Variants in NMNAT2 observed in about 807,000 individuals in gnomAD.
NMNAT2 encodes nicotinamide nucleotide adenylyltransferase 2.
NMNAT2 carries 11 observed loss-of-function variants against 41.6 expected under a neutral mutation model. That is an observed-to-expected ratio of 0.26 (90% CI 0.17 to 0.44). NMNAT2 has a LOEUF of 0.44. NMNAT2 is among the 20% of genes least tolerant of loss of function. The pLI is 1.00. For synonymous variants in NMNAT2, 148 were observed against 151.2 expected (o/e 0.98, Z 0.16); for missense variants, 288 against 407.7 (o/e 0.71, Z 2.53).
intron 10 of NMNAT2, among the ~76,000 whole-genome samples, chr1:183,254,173 A>G (rs992379868): frequency 1.3e-5 from 2 of 152,152 alleles, no homozygotes; most frequent in South Asian, 2.1e-4. Flanking sequence ...TCTGTTTTCT[A>G]TAACGGTTGT....
chr1:183,282,611 G>A (rs989876464), intron 7 of NMNAT2, among the ~76,000 whole-genome samples: 35 of 152,232 alleles, frequency 2.3e-4, no homozygotes, highest in South Asian at 4.1e-4. Flanking sequence ...AGGAGACTGC[G>A]TGGGAAGGCA....
intron 1 of NMNAT2, among the ~76,000 whole-genome samples, chr1:183,365,129 G>A (rs1030593410): frequency 2.0e-5 from 3 of 152,206 alleles, no homozygotes; most frequent in Non-Finnish European, 2.9e-5. Context: ...GTTTATTCAT[G>A]TATTTATTTA....
At chr1:183,389,396 T>C (rs1481128857) in intron 1 of NMNAT2, among the ~76,000 whole-genome samples, 2 of 152,172 alleles carry the variant, frequency 1.3e-5, no homozygotes, top group Admixed American at 6.5e-5. Context: ...ATACCAAGAA[T>C]TGAATTTGAA....
intron 1 of NMNAT2, among the ~76,000 whole-genome samples, chr1:183,309,842 C>T (rs1023736858): frequency 6.6e-6 from 1 of 152,184 alleles, no homozygotes; most frequent in Non-Finnish European, 1.5e-5. Flanking sequence ...TATTCAAGTG[C>T]TTCTGCATAC....
chr1:183,271,592 T>C (rs1016418402), intron 8 of NMNAT2, among the ~76,000 whole-genome samples: 2 of 152,206 alleles, frequency 1.3e-5, no homozygotes, highest in African/African-American at 2.4e-5. Flanking sequence ...ACTTTTCACA[T>C]GTTATAGTTA....
At chr1:183,259,925 A>G (rs1660616003) in intron 10 of NMNAT2, among the ~76,000 whole-genome samples, 1 of 152,022 alleles carries the variant, frequency 6.6e-6, no homozygotes, top group Admixed American at 6.6e-5. Flanking sequence ...TTTAACTGAC[A>G]CTTACGTGTT....
At chr1:183,412,648 T>A (rs761950827) in intron 1 of NMNAT2, among the ~76,000 whole-genome samples, 8 of 152,228 alleles carry the variant, frequency 5.3e-5, no homozygotes, top group Non-Finnish European at 1.2e-4. Flanking sequence ...ACCAGGGATG[T>A]AGATGGAGAG....
intron 1 of NMNAT2, among the ~76,000 whole-genome samples, chr1:183,411,656 C>T (rs1649121779): frequency 6.6e-6 from 1 of 152,158 alleles, no homozygotes; most frequent in Admixed American, 6.5e-5. Context: ...TCCTAGGAGC[C>T]TGAGATACAT....
Position 183,252,734 on chromosome 1 carries a change from C to T in NMNAT2, c.831G>A (p.Leu277=). ...CCACAACATGGCCGTCCCCATGCTGCAGGGCCAGCCTGCACAAGAAGAGAT... is the reference window on the plus strand; with the variant it reads ...CCACAACATGGCCGTCCCCATGCTGTAGGGCCAGCCTGCACAAGAAGAGAT... ...VVSSTKSRLA[L]QHGDGHVVDY... Residue 277 remains leucine, a synonymous_variant, in exon 11 of 11, where the codon CTG becomes CTA. Transcript: ENST00000287713. The T allele has an allele frequency of 6.2e-7, 1 of 1,613,548 alleles. No individual in the cohort carries two copies. Among genetic ancestry groups the T allele is most frequent in the Non-Finnish European group, 8.5e-7 (1 of 1,179,546 alleles).
At chr1:183,290,385 G>C (rs1292453578) in intron 3 of NMNAT2, among the ~76,000 whole-genome samples, 179 bp from the exon 4 acceptor site, 1 of 152,144 alleles carries the variant, frequency 6.6e-6, no homozygotes, top group Non-Finnish European at 1.5e-5. Flanking sequence ...TTCCTCCTCT[G>C]TAAAATGAGA....
At chr1:183,323,152 G>A (rs547480516) in intron 1 of NMNAT2, among the ~76,000 whole-genome samples, 84 of 152,164 alleles carry the variant, frequency 5.5e-4, no homozygotes, top group African/African-American at 2.0e-3. Context: ...GGCTGGTCTC[G>A]AACTCCTGAC....
At chr1:183,339,579 G>C (rs932837760) in intron 1 of NMNAT2, among the ~76,000 whole-genome samples, 6 of 152,162 alleles carry the variant, frequency 3.9e-5, no homozygotes, top group African/African-American at 1.4e-4. Context: ...TACCTTGTCT[G>C]AGCTCCAGTG....
chr1:183,280,150 C>T (rs554825102), intron 7 of NMNAT2, among the ~76,000 whole-genome samples: 1 of 152,322 alleles, frequency 6.6e-6, no homozygotes, highest in South Asian at 2.1e-4. Flanking sequence ...GGAGAGGAAC[C>T]ACACTTGGTA....
intron 1 of NMNAT2, among the ~76,000 whole-genome samples, chr1:183,391,681 C>G (rs965241189): frequency 6.6e-6 from 1 of 152,202 alleles, no homozygotes; most frequent in Non-Finnish European, 1.5e-5. Context: ...GACACTCACT[C>G]CAGTCCAGCT....
intron 1 of NMNAT2, among the ~76,000 whole-genome samples, chr1:183,395,547 C>T (rs146375713): frequency 6.6e-4 from 101 of 152,194 alleles, no homozygotes; most frequent in Non-Finnish European, 7.9e-4. Flanking sequence ...ACTATAACAT[C>T]TGCCATCTCT....
chr1:183,301,260 T>C (rs1174681619), intron 1 of NMNAT2, among the ~76,000 whole-genome samples: 4 of 152,234 alleles, frequency 2.6e-5, no homozygotes, highest in African/African-American at 9.6e-5. Context: ...CTGCAGATTA[T>C]ATTTTAAACA....
intron 1 of NMNAT2, among the ~76,000 whole-genome samples, chr1:183,343,040 C>T (rs1662853495): frequency 6.6e-6 from 1 of 152,032 alleles, no homozygotes; most frequent in African/African-American, 2.4e-5. Flanking sequence ...ACCATCCAGC[C>T]TCAAACTCAT....
intron 1 of NMNAT2, 23 bp downstream of exon 1, chr1:183,418,160 C>T: frequency 6.2e-7 from 1 of 1,609,008 alleles, no homozygotes; most frequent in Non-Finnish European, 8.5e-7. Context: ...AAGCGGCTTC[C>T]AGAGGTGGGC....
chr1:183,394,389 G>A (rs909945784), intron 1 of NMNAT2, among the ~76,000 whole-genome samples: 1 of 152,182 alleles, frequency 6.6e-6, no homozygotes, highest in Non-Finnish European at 1.5e-5. Context: ...AATAAATGAA[G>A]CTGCCCAACA....
Sources: gnomAD v4.1 joint callset for allele counts (sites outside exome capture counted in the v4.1 genomes callset) on GRCh38, gnomAD v4.1.1 for gene constraint, MANE v1.5 for transcripts, NCBI Gene and HGNC (gene_info 2026-07-23, HGNC 2026-07-21) for gene names.